Variants in PTPRD observed in about 807,000 individuals in gnomAD.
PTPRD encodes the protein protein tyrosine phosphatase receptor type D, also known as receptor-type tyrosine-protein phosphatase delta.
In PTPRD, 34 loss-of-function variants were observed where a neutral mutation model predicts 214.5. The ratio of observed to expected loss-of-function variants is 0.16; its 90% CI spans 0.12 to 0.21. The LOEUF (loss-of-function observed/expected upper bound fraction) is 0.21, where lower values mean the gene tolerates loss of function less well. Ranked by LOEUF, PTPRD falls within the 10% of genes least tolerant of loss-of-function variation. The pLI is 1.00. For missense variants in PTPRD, 2,545 were observed against 2,398.7 expected, an observed-to-expected ratio of 1.06 and a Z score of -1.27; for synonymous variants, 1,128 against 845.7, an observed-to-expected ratio of 1.33 and a Z score of -5.79.
At chr9:9,229,065 T>C (rs1428023911) in intron 9 of PTPRD, among the ~76,000 whole-genome samples, 1 of 152,140 alleles carries the variant, frequency 6.6e-6, no homozygotes, top group Admixed American at 6.6e-5. Flanking sequence ...GTGAAAAGTT[T>C]GTATGTGTTG....
intron 2 of PTPRD, among the ~76,000 whole-genome samples, chr9:10,559,000 T>C (rs555307238): frequency 1.3e-5 from 2 of 152,234 alleles, no homozygotes; most frequent in Non-Finnish European, 2.9e-5. Context: ...CTATATTATA[T>C]ATTTTGTTGG....
At chr9:9,336,717 C>A (rs920832884) in intron 9 of PTPRD, among the ~76,000 whole-genome samples, 9 of 152,002 alleles carry the variant, frequency 5.9e-5, no homozygotes, top group Non-Finnish European at 1.3e-4. Context: ...AACTGCTTTA[C>A]CTTATATGTG....
In PTPRD at chr9:8,593,912, TG is replaced by T. The variant is rs530007744; in HGVS notation, c.352+39404del. 1.8e-4 allele frequency among the ~76,000 whole-genome samples: 28 copies of T among 152,296 alleles called. No homozygotes were observed. The South Asian group carries it at 5.4e-3, about 29-fold the overall frequency. ...ATTATACCACTGATTCTCAAAGAGC[TG>T]GCCCTGGGAACCTAGTGAGGTCTTT... On this transcript the variant is annotated intron_variant, in intron 14 of 45. Coordinates refer to ENST00000381196, the MANE Select transcript of PTPRD (RefSeq NM_002839.4).
In PTPRD at chr9:9,934,612, A is replaced by C. The variant is rs187449678; in HGVS notation, c.-368+3895T>G. On this transcript the variant is annotated intron_variant, in intron 5 of 45. Coordinates refer to ENST00000381196, the MANE Select transcript of PTPRD (RefSeq NM_002839.4). ...GCTTACCAACCAAAAAGAGTCCAGG[A>C]CCAGATGGATTCACAGCTGAATTCT... Among the ~76,000 whole-genome samples the C allele has an allele frequency of 4.0e-3, 611 of 151,304 alleles. 1 individual carries two copies. The highest frequency in any genetic ancestry group is 0.014 in the African/African-American group (572 of 40,844).
chr9:9,081,095 G>A (rs575018456), intron 10 of PTPRD, among the ~76,000 whole-genome samples: 114 of 151,930 alleles, frequency 7.5e-4, no homozygotes, highest in African/African-American at 2.2e-3. Flanking sequence ...TTAGGGTGTT[G>A]ATTTTAGATC....
chr9:8,599,582 T>C (rs1183445424), intron 14 of PTPRD, among the ~76,000 whole-genome samples: 1 of 149,644 alleles, frequency 6.7e-6, no homozygotes, highest in Non-Finnish European at 1.5e-5. Flanking sequence ...ATGAGGGCTC[T>C]ACTGATGGCC....
chr9:10,082,618 G>A (rs1451366176), intron 3 of PTPRD, among the ~76,000 whole-genome samples: 1 of 151,978 alleles, frequency 6.6e-6, no homozygotes, highest in African/African-American at 2.4e-5. Flanking sequence ...GAGCATTTGA[G>A]AAGTTATAAG....
intron 2 of PTPRD, among the ~76,000 whole-genome samples, chr9:10,400,185 T>C (rs145938038): frequency 7.4e-4 from 112 of 151,898 alleles, no homozygotes; most frequent in African/African-American, 2.7e-3. Context: ...TCTGTGTGAG[T>C]TACTCTTCTC....
chr9:9,646,919 C>G (rs1200611411), intron 7 of PTPRD, among the ~76,000 whole-genome samples: 1 of 152,150 alleles, frequency 6.6e-6, no homozygotes, highest in East Asian at 1.9e-4. Flanking sequence ...CACAGGTTGG[C>G]TGAAACTATG....
intron 3 of PTPRD, among the ~76,000 whole-genome samples, chr9:10,286,603 T>C (rs1244495423): frequency 2.6e-5 from 4 of 152,128 alleles, no homozygotes; most frequent in Admixed American, 2.0e-4. Flanking sequence ...TTTTTGTTTG[T>C]TTGCTTGCTT....
At chr9:8,697,012 G>A (rs940828730) in intron 12 of PTPRD, among the ~76,000 whole-genome samples, 3 of 152,158 alleles carry the variant, frequency 2.0e-5, no homozygotes, top group Admixed American at 6.5e-5. Context: ...GCTTGCGGAA[G>A]CGTGAGAACA....
At chr9:9,234,288 C>A (rs771297473) in intron 9 of PTPRD, among the ~76,000 whole-genome samples, 1 of 152,218 alleles carries the variant, frequency 6.6e-6, no homozygotes, top group Non-Finnish European at 1.5e-5. Flanking sequence ...TTAGCTACAG[C>A]TGGAGCTGAA....
chr9:9,038,497 A>G, intron 10 of PTPRD, among the ~76,000 whole-genome samples: 1 of 151,678 alleles, frequency 6.6e-6, no homozygotes, highest in East Asian at 1.9e-4. Context: ...CACAAACACA[A>G]TTCTTCACTT....
intron 2 of PTPRD, among the ~76,000 whole-genome samples, chr9:10,487,611 CA>C (rs906626307): frequency 6.6e-6 from 1 of 151,140 alleles, no homozygotes; most frequent in Non-Finnish European, 1.5e-5. Context: ...AAGAGAAGAC[CA>C]AATACGGCAT....
intron 10 of PTPRD, among the ~76,000 whole-genome samples, chr9:9,055,698 A>G (rs2099694922): frequency 6.6e-6 from 1 of 151,676 alleles, no homozygotes; most frequent in African/African-American, 2.4e-5. Context: ...AAATTTGTGC[A>G]TATGTACACA....
chr9:9,838,169 T>C (rs2057343148), intron 5 of PTPRD, among the ~76,000 whole-genome samples: 1 of 152,114 alleles, frequency 6.6e-6, no homozygotes, highest in Non-Finnish European at 1.5e-5. Flanking sequence ...AGTCTATCAT[T>C]GTTGGACATT....
At position 10,487,691 on chromosome 9, in the gene PTPRD, A is replaced by C. The variant is rs552801065; in HGVS notation, c.-600+124707T>G. Among the ~76,000 whole-genome samples the C allele has an allele frequency of 3.8e-4, 57 of 149,776 alleles. 1 individual carries two copies. Among genetic ancestry groups the C allele is most frequent in the African/African-American group, 1.4e-3 (56 of 40,644 alleles). On this transcript the variant is annotated intron_variant, in intron 2 of 45. Transcript: ENST00000381196. Reference sequence around the variant, plus strand: ...CACAGGGAGGGGAATGACACATAACAGGGCCTGTTGGGGGGTGGAGGGTGA... The same window carrying C: ...CACAGGGAGGGGAATGACACATAACCGGGCCTGTTGGGGGGTGGAGGGTGA...
intron 9 of PTPRD, among the ~76,000 whole-genome samples, chr9:9,265,576 A>G (rs1228589010): frequency 1.3e-5 from 2 of 151,596 alleles, no homozygotes; most frequent in Non-Finnish European, 3.0e-5. Context: ...GACATAAAAA[A>G]TAGGACATGT....
intron 4 of PTPRD, among the ~76,000 whole-genome samples, chr9:9,981,430 G>A (rs549722126): frequency 6.6e-6 from 1 of 150,478 alleles, no homozygotes; most frequent in South Asian, 2.1e-4. Context: ...TCTCGGCTCA[G>A]TGCAAGCTCC....
Sources: allele counts gnomAD v4.1 joint callset (sites outside exome capture counted in the v4.1 genomes callset), GRCh38; gene constraint gnomAD v4.1.1; transcripts MANE v1.5; gene names NCBI Gene and HGNC (gene_info 2026-07-23, HGNC 2026-07-21).